STAMBPL1: variants seen among roughly 807,000 people sequenced by gnomAD.
STAMBPL1 encodes AMSH-like protease.
Under a neutral mutation model 52.9 loss-of-function variants are expected in STAMBPL1, and 44 were observed. That is an observed-to-expected ratio of 0.83 (90% CI 0.65 to 1.07). The LOEUF (loss-of-function observed/expected upper bound fraction) is 1.07, where lower values mean the gene tolerates loss of function less well. Among genes scored for constraint, STAMBPL1 ranks in the 50% least tolerant of loss-of-function variants. The probability of loss-of-function intolerance (pLI) is 0.00; values close to 1 mark genes in which losing one functional copy is unlikely to be tolerated. For missense variants in STAMBPL1, 511 were observed against 520.8 expected (o/e 0.98, Z 0.18); for synonymous variants, 164 against 177.3 (o/e 0.92, Z 0.60).
At chr10:88,914,922 GA>G (rs964547110) in intron 7 of STAMBPL1, among the ~76,000 whole-genome samples, 5 of 152,002 alleles carry the variant, frequency 3.3e-5, no homozygotes, top group Middle Eastern at 3.2e-3. Flanking sequence ...TCTTTGATTA[GA>G]AAAATGGTAC....
At chr10:88,912,816 G>A (rs1329336096) in intron 5 of STAMBPL1, 1 of 313,844 alleles carries the variant, frequency 3.2e-6, no homozygotes, top group Non-Finnish European at 5.9e-6. Context: ...AAACAACCTT[G>A]ACGTTGATTT....
intron 3 of STAMBPL1, among the ~76,000 whole-genome samples, chr10:88,907,701 T>C (rs1845110283): frequency 6.6e-6 from 1 of 152,216 alleles, no homozygotes; most frequent in Admixed American, 6.6e-5. Context: ...ATCTCTGAGG[T>C]CCCCTCTGCT....
At chr10:88,891,142 A>G (rs1844671704) in intron 1 of STAMBPL1, among the ~76,000 whole-genome samples, 1 of 152,252 alleles carries the variant, frequency 6.6e-6, no homozygotes, top group African/African-American at 2.4e-5. Context: ...CTTACAAAAA[A>G]TAAATTCCAC....
intron 9 of STAMBPL1, 105 bp from the exon 10 acceptor site, chr10:88,922,232 T>C (rs1229788448): frequency 2.8e-6 from 3 of 1,069,310 alleles, no homozygotes; most frequent in Non-Finnish European, 4.1e-6. Flanking sequence ...TTGTGATTTC[T>C]CAATCCCATC....
rs191463804 is a variant in STAMBPL1, at chr10:88,886,032, G to A, written c.-54+5394G>A. Among the ~76,000 whole-genome samples the A allele has an allele frequency of 1.8e-3, 275 of 152,250 alleles. 1 individual carries two copies. Among genetic ancestry groups the A allele is most frequent in the African/African-American group, 6.2e-3 (259 of 41,530 alleles). ...CAAAAAATCATTGAGTAGAAGGAGA[G>A]ATATATGTGTTGTGTATGTCAACAG... is the stretch of plus-strand genomic sequence containing the variant. On this transcript the variant is annotated intron_variant, in intron 1 of 10. Coordinates refer to ENST00000371926, the MANE Select transcript of STAMBPL1 (RefSeq NM_020799.4).
chr10:88,912,949 A>G, intron 5 of STAMBPL1, 152 bp from the exon 6 acceptor site: 1 of 703,180 alleles, frequency 1.4e-6, no homozygotes, highest in Non-Finnish European at 2.4e-6. Context: ...CCCTGATGTT[A>G]TGTATTTCTC....
At chr10:88,883,459 T>G (rs1241218878) in intron 1 of STAMBPL1, among the ~76,000 whole-genome samples, 1 of 152,232 alleles carries the variant, frequency 6.6e-6, no homozygotes, top group African/African-American at 2.4e-5. Flanking sequence ...CGTGTGAATG[T>G]ACATTCAGAA....
chr10:88,906,047 A>G (rs897456463), intron 3 of STAMBPL1, among the ~76,000 whole-genome samples: 1 of 152,228 alleles, frequency 6.6e-6, no homozygotes, highest in Admixed American at 6.5e-5. Flanking sequence ...AGAACATGCC[A>G]TCAACATTTA....
chr10:88,881,059 G>T (rs1844392438), intron 1 of STAMBPL1, among the ~76,000 whole-genome samples: 1 of 152,134 alleles, frequency 6.6e-6, no homozygotes, highest in Non-Finnish European at 1.5e-5. Flanking sequence ...CGGTGTGGAG[G>T]AGGGAGGGGC....
At chr10:88,921,487 T>G in intron 9 of STAMBPL1, 92 bp downstream of exon 9, 1 of 1,000,816 alleles carries the variant, frequency 1.0e-6, no homozygotes, top group Non-Finnish European at 1.6e-6. Context: ...GGTACTTGGA[T>G]TGGCAAGCAC....
chr10:88,909,963 C>T (rs887357863), intron 4 of STAMBPL1, among the ~76,000 whole-genome samples: 3 of 152,096 alleles, frequency 2.0e-5, no homozygotes, highest in African/African-American at 7.2e-5. Context: ...CTTTGTGTAA[C>T]ATTTCCCCTC....
At chr10:88,905,974 C>T (rs1333717622) in intron 3 of STAMBPL1, among the ~76,000 whole-genome samples, 1 of 152,040 alleles carries the variant, frequency 6.6e-6, no homozygotes, top group African/African-American at 2.4e-5. Flanking sequence ...ATGCGATTTT[C>T]CCCGACAGAA....
At chr10:88,894,898 T>C (rs375156976) in intron 1 of STAMBPL1, among the ~76,000 whole-genome samples, 2 of 152,368 alleles carry the variant, frequency 1.3e-5, no homozygotes, top group African/African-American at 4.8e-5. Flanking sequence ...TCACCTCTTT[T>C]GTCACGGGAT....
chr10:88,921,466 C>A, intron 9 of STAMBPL1, 71 bp downstream of exon 9: 2 of 1,248,826 alleles, frequency 1.6e-6, no homozygotes, highest in Non-Finnish European at 1.2e-6. Context: ...TGTGTCCAGA[C>A]ACCAGGTTGT....
intron 1 of STAMBPL1, among the ~76,000 whole-genome samples, chr10:88,893,656 G>A (rs959606043): frequency 3.9e-5 from 6 of 152,098 alleles, no homozygotes; most frequent in East Asian, 1.9e-4. Flanking sequence ...GAGGAGAATC[G>A]CTTGAACCTA....
At chr10:88,900,065 A>AT (rs1396404924) in intron 1 of STAMBPL1, among the ~76,000 whole-genome samples, 3 of 152,064 alleles carry the variant, frequency 2.0e-5, no homozygotes, top group African/African-American at 4.8e-5. Flanking sequence ...TTTCTTGGGC[A>AT]TTTTTTAGCC....
intron 4 of STAMBPL1, among the ~76,000 whole-genome samples, chr10:88,910,179 G>T (rs1347432692): frequency 1.3e-5 from 2 of 152,300 alleles, no homozygotes; most frequent in Admixed American, 6.5e-5. Context: ...AGGATTAAGA[G>T]AATAGAAATT....
intron 8 of STAMBPL1, 129 bp from the exon 9 acceptor site, chr10:88,921,154 C>G: frequency 1.5e-6 from 1 of 666,902 alleles, no homozygotes. Context: ...GTCAGCAAAA[C>G]CTTTTTAAAA....
chr10:88,918,536 A>G (rs1845428689), intron 8 of STAMBPL1, among the ~76,000 whole-genome samples: 1 of 152,174 alleles, frequency 6.6e-6, no homozygotes, highest in Non-Finnish European at 1.5e-5. Context: ...CTCTTTGAAA[A>G]GTATAAACTG....
Sources: allele counts gnomAD v4.1 joint callset (sites outside exome capture counted in the v4.1 genomes callset), GRCh38; gene constraint gnomAD v4.1.1; transcripts MANE v1.5; gene names NCBI Gene and HGNC (gene_info 2026-07-23, HGNC 2026-07-21).